The following TTN variants were observed in gnomAD, a reference collection of about 807,000 sequenced individuals.
TTN encodes titin, also known as connectin.
In TTN, 1,525 loss-of-function variants were observed where a neutral mutation model predicts 3,223.0. The observed-to-expected ratio is 0.47, with a 90% CI of 0.45 to 0.49. TTN has a LOEUF of 0.49. TTN is among the 20% of genes least tolerant of loss of function. The pLI is 0.00. For missense variants in TTN, 40,786 were observed against 43,424.0 expected, an observed-to-expected ratio of 0.94 and a Z score of 5.40; for synonymous variants, 14,094 against 15,161.0, an observed-to-expected ratio of 0.93 and a Z score of 5.17.
Position 178,611,469 on chromosome 2 carries a change from A to G in TTN, c.50760T>C (p.Pro16920=). The G allele has an allele frequency of 1.2e-6, 2 of 1,612,986 alleles. No homozygotes were observed. Among genetic ancestry groups the G allele is most frequent in the East Asian group, 2.2e-5 (1 of 44,678 alleles). ...LKFKVEEGVV[P]DKEYVLRVRA... Reference sequence around the variant, plus strand: ...TCACTCTCAGGACATATTCTTTGTCAGGAACAACACCTTCTTCAACCTTGA... The same window carrying G: ...TCACTCTCAGGACATATTCTTTGTCGGGAACAACACCTTCTTCAACCTTGA... Residue 16920 remains proline, a synonymous_variant, in exon 269 of 363, where the codon CCT becomes CCC. Coordinates refer to ENST00000589042, the MANE Select transcript of TTN (RefSeq NM_001267550.2).
Position 178,769,599 on chromosome 2 carries a change from A to G in TTN, c.8902+80T>C, listed in dbSNP as rs924629237. 9.5e-6 allele frequency: 12 copies of G among 1,269,216 alleles called. No individual in the cohort carries two copies. The African/African-American group carries it at 1.1e-4, about 11-fold the overall frequency. 78.6% of individuals were successfully genotyped at this position (1,269,216 alleles called of 1,614,324 possible). On this transcript the variant is annotated intron_variant, in intron 37 of 362. Coordinates refer to ENST00000589042, the MANE Select transcript of TTN (RefSeq NM_001267550.2). ...TTTTGAGTGGTCAGCAAAGTGTAGGATATAGAATATCAATGAATCTACTGA... is the reference window on the plus strand; with the variant it reads ...TTTTGAGTGGTCAGCAAAGTGTAGGGTATAGAATATCAATGAATCTACTGA...
At chr2:178,700,064 G>A (rs1271155981) in intron 111 of TTN, among the ~76,000 whole-genome samples, 1 of 152,092 alleles carries the variant, frequency 6.6e-6, no homozygotes, top group Admixed American at 6.5e-5. Flanking sequence ...TTCACAGTGA[G>A]TACCAAACTT....
In TTN at chr2:178,580,397, C is replaced by T; in HGVS notation, c.66982G>A (p.Asp22328Asn). The T allele has an allele frequency of 6.2e-7, 1 of 1,613,216 alleles. No individual in the cohort carries two copies. The highest frequency in any genetic ancestry group is 1.1e-5 in the South Asian group (1 of 91,060). ...FLRCENVNKYDAGKYILTLEN... is the reference protein window; with the variant it reads ...FLRCENVNKYNAGKYILTLEN... ...AGGGTTAAGATATATTTTCCTGCAT[C>T]ATATTTGTTCACATTTTCACAGCGC... Residue 22328 changes from aspartate (D) to asparagine (N), a missense_variant, in exon 317 of 363, where the codon GAT becomes AAT. Asp to Asn is a conservative substitution (Grantham distance 23). Coordinates refer to ENST00000589042, the MANE Select transcript of TTN (RefSeq NM_001267550.2).
At position 178,732,098 on chromosome 2, in the gene TTN, C is replaced by G; in HGVS notation, c.16871G>C (p.Ser5624Thr). 3.1e-6 allele frequency: 5 copies of G among 1,612,470 alleles called. No homozygotes were observed. Among genetic ancestry groups the G allele is most frequent in the Non-Finnish European group, 4.2e-6 (5 of 1,178,844 alleles). ...YMCEAQNEAG[S>T]DHCSSIVIVK... ...TATTACAATGCTACTGCAGTGGTCA[C>G]TGCCAGCCTCATTTTGGGCCTCACA... is the stretch of plus-strand genomic sequence containing the variant. The change falls in exon 57 of 363, where the codon AGT becomes ACT. Residue 5624 changes from serine (S) to threonine (T), a missense_variant. Coordinates refer to ENST00000589042, the MANE Select transcript of TTN (RefSeq NM_001267550.2).
intron 26 of TTN, 31 bp from the exon 27 acceptor site, chr2:178,777,348 G>A: frequency 6.2e-7 from 1 of 1,613,350 alleles, no homozygotes; most frequent in Non-Finnish European, 8.5e-7. Flanking sequence ...TTTAGAGGGA[G>A]TAAGGCTGAA....
At position 178,717,266 on chromosome 2, in the gene TTN, C is replaced by T. The variant is rs1411592951; in HGVS notation, c.25468G>A (p.Ala8490Thr). ...GGGCGAATCTCTCGGTTATCTTTGG[C>T]CCAAGTGATTTTGATTGGTGCAGTC... Reference protein sequence around the residue: ...TGTAPIKITWAKDNREIRPGG... With the variant: ...TGTAPIKITWTKDNREIRPGG... The change falls in exon 88 of 363, where the codon GCC becomes ACC. Residue 8490 changes from alanine to threonine, a missense_variant. Physicochemically the swap from Ala to Thr is moderately conservative, Grantham distance 58. Transcript: ENST00000589042. The T allele has an allele frequency of 1.2e-6, 2 of 1,613,662 alleles. No individual in the cohort carries two copies. Among genetic ancestry groups the T allele is most frequent in the Admixed American group, 1.7e-5 (1 of 59,996 alleles).
Position 178,576,071 on chromosome 2 carries a change from A to C in TTN, c.70061T>G (p.Leu23354Arg). ...FELDAELRRT[L>R]VVRAGLSIRI... ...AATACTGAGTCCTGCTCTAACAACA[A>C]GTGTTCTTCGAAGCTCGGCATCTAG... The change falls in exon 326 of 363, where the codon CTT becomes CGT. Residue 23354 changes from leucine to arginine, a missense_variant. Physicochemically the swap from Leu to Arg is moderately radical, Grantham distance 102. Transcript: ENST00000589042. The surrounding 1 kb of genome is among the most constrained non-coding windows in gnomAD (Gnocchi z 4.3). 1 of 1,613,516 alleles carries C rather than the reference A, an allele frequency of 6.2e-7. No homozygotes were observed. The highest frequency in any genetic ancestry group is 8.5e-7 in the Non-Finnish European group (1 of 1,179,596).
In TTN at chr2:178,582,296, C is replaced by A. The variant is rs1057523177; in HGVS notation, c.66160G>T (p.Asp22054Tyr). The A allele has an allele frequency of 6.3e-7, 1 of 1,584,680 alleles. No homozygotes were observed. The highest frequency in any genetic ancestry group is 8.6e-7 in the Non-Finnish European group (1 of 1,169,454). The part of the protein sequence containing the change: ...TEPAIAKNPY[D>Y]PPGRCDPPVI... ...AAAAACCACCGGGAAATGTTCCTAC[C>A]ATATGGGTTTTTGGCAATTGCTGGT... is the stretch of plus-strand genomic sequence containing the variant. Residue 22054 changes from aspartate to tyrosine, a missense_variant and splice_region_variant, in exon 314 of 363, where the codon GAC becomes TAC. Physicochemically the swap from Asp to Tyr is radical, Grantham distance 160 (BLOSUM62 -3). Transcript: ENST00000589042.
In TTN at chr2:178,749,824, C is replaced by G; in HGVS notation, c.11311+3300G>C. On this transcript the variant is annotated intron_variant, in intron 47 of 362. Coordinates refer to ENST00000589042, the MANE Select transcript of TTN (RefSeq NM_001267550.2). ...GCTTTAAAAGGACTCCATTTTGAAA[C>G]CATGTTACAACTGGCTGGGGCTCAC... 4 of 1,613,106 alleles carry G rather than the reference C, an allele frequency of 2.5e-6. 1 individual carries two copies. The highest frequency in any genetic ancestry group is 2.2e-5 in the South Asian group (2 of 91,062).
rs752797605 is a variant in TTN, at chr2:178,681,647, T to C, written c.33172+14A>G. The stretch of plus-strand genomic sequence containing the variant: ...AAAGATCTCTTACAGGTAATAATGT[T>C]TTTTTCACTCTACCTTTAGCCGGTG... On this transcript the variant is annotated intron_variant, in intron 136 of 362. Transcript: ENST00000589042. 57 of 1,601,234 alleles carry C rather than the reference T, an allele frequency of 3.6e-5. No homozygotes were observed. The highest frequency in any genetic ancestry group is 4.4e-5 in the Non-Finnish European group (52 of 1,176,254).
At position 178,733,908 on chromosome 2, in the gene TTN, G is replaced by C. The variant is rs2154311734; in HGVS notation, c.15497-16C>G. On this transcript the variant is annotated splice_polypyrimidine_tract_variant and intron_variant, in intron 52 of 362. Coordinates refer to ENST00000589042, the MANE Select transcript of TTN (RefSeq NM_001267550.2). ...GTTGGAGGTTCTAGTTAAGGAAAGAGAGCATATAAAACATATCAATTCCCA... is the reference window on the plus strand; with the variant it reads ...GTTGGAGGTTCTAGTTAAGGAAAGACAGCATATAAAACATATCAATTCCCA... The C allele has an allele frequency of 1.3e-6, 2 of 1,568,648 alleles. No individual in the cohort carries two copies. Among genetic ancestry groups the C allele is most frequent in the South Asian group, 2.4e-5 (2 of 83,614 alleles).
At position 178,677,615 on chromosome 2, in the gene TTN, C is replaced by T. The variant is rs779140476; in HGVS notation, c.34291+6G>A. ...GCCTTGATGATTCCAAGAAGAGCTG[C>T]TATACCTGGTGCAGGTACTGGCACC... On this transcript the variant is annotated splice_donor_region_variant and intron_variant, in intron 146 of 362. Transcript: ENST00000589042. The T allele has an allele frequency of 4.4e-6, 7 of 1,607,398 alleles. No individual in the cohort carries two copies. Among genetic ancestry groups the T allele is most frequent in the South Asian group, 3.3e-5 (3 of 90,014 alleles).
rs373959972 is a variant in TTN, at chr2:178,541,323, G to C, written c.97754C>G (p.Pro32585Arg). Reference protein sequence around the residue: ...TAINARGSGKPSRPSKPIVAM... With the variant: ...TAINARGSGKRSRPSKPIVAM... The stretch of plus-strand genomic sequence containing the variant: ...AACGATGGGTTTGGAAGGACGACTT[G>C]GTTTCCCAGACCCTCTTGCATTAAT... Residue 32585 changes from proline (P) to arginine (R), a missense_variant, in exon 350 of 363, where the codon CCA (proline) becomes CGA (arginine). Coordinates refer to ENST00000589042, the MANE Select transcript of TTN (RefSeq NM_001267550.2). 10 of 1,553,772 alleles carry C rather than the reference G, an allele frequency of 6.4e-6. No homozygotes were observed. Among genetic ancestry groups the C allele is most frequent in the Non-Finnish European group, 8.7e-6 (10 of 1,144,564 alleles).
At chr2:178,638,530 C>T (rs2060801254) in intron 223 of TTN, among the ~76,000 whole-genome samples, 1 of 150,800 alleles carries the variant, frequency 6.6e-6, no homozygotes, top group South Asian at 2.1e-4. Flanking sequence ...ATGCACATCT[C>T]ACTGTGGAAT....
rs750011261 is a variant in TTN, at chr2:178,574,612, C to T, written c.71520G>A (p.Lys23840=). The T allele has an allele frequency of 5.6e-6, 9 of 1,613,096 alleles. No homozygotes were observed. In the East Asian group the frequency reaches 1.8e-4, roughly 32 times the overall value. The part of the protein sequence containing the change: ...PGTPQVTAVT[K]DSMTISWHEP... Reference sequence around the variant, plus strand: ...CATGCCAGCTAATTGTCATTGAATCCTTGGTAACTGCAGTTACCTGAGGGG... The same window carrying T: ...CATGCCAGCTAATTGTCATTGAATCTTTGGTAACTGCAGTTACCTGAGGGG... The change falls in exon 326 of 363, where the codon AAG becomes AAA. Residue 23840 remains lysine (K), a synonymous_variant. Coordinates refer to ENST00000589042, the MANE Select transcript of TTN (RefSeq NM_001267550.2).
In TTN at chr2:178,533,396, G is replaced by A. The variant is rs1438404457; in HGVS notation, c.103219C>T (p.Pro34407Ser). 3 of 1,613,524 alleles carry A rather than the reference G, an allele frequency of 1.9e-6. No individual in the cohort carries two copies. Among genetic ancestry groups the A allele is most frequent in the African/African-American group, 2.7e-5 (2 of 74,910 alleles). Reference sequence around the variant, plus strand: ...CCTTCATGGATAATTTCAATGTTAGGCCCGAGGGACAGTGGCTGACCATCT... The same window carrying A: ...CCTTCATGGATAATTTCAATGTTAGACCCGAGGGACAGTGGCTGACCATCT... The part of the protein sequence containing the change: ...EKDGQPLSLG[P>S]NIEIIHEGLD... Residue 34407 changes from proline to serine, a missense_variant, in exon 358 of 363, where the codon CCT becomes TCT. Pro to Ser is a moderately conservative substitution (Grantham distance 74). Coordinates refer to ENST00000589042, the MANE Select transcript of TTN (RefSeq NM_001267550.2).
Position 178,756,573 on chromosome 2 carries a change from T to G in TTN, c.10903A>C (p.Thr3635Pro). ...TCTGCAATTTGTGAAAGGGATGCAG[T>G]ATGGCACAACTGTGTATCTTGAACA... ...ASVQDTQLCHTASLSQIAEST... is the reference protein window; with the variant it reads ...ASVQDTQLCHPASLSQIAEST... Residue 3635 changes from threonine to proline, a missense_variant, in exon 46 of 363, where the codon ACT becomes CCT. Transcript: ENST00000589042. 1.9e-6 allele frequency: 3 copies of G among 1,612,030 alleles called. No homozygotes were observed. Among genetic ancestry groups the G allele is most frequent in the South Asian group, 1.1e-5 (1 of 90,906 alleles).
At position 178,707,577 on chromosome 2, in the gene TTN, C is replaced by G. The variant is rs1484358096; in HGVS notation, c.28990G>C (p.Ala9664Pro). The change falls in exon 100 of 363, where the codon GCT (alanine) becomes CCT (proline). Residue 9664 changes from alanine (A) to proline (P), a missense_variant. Transcript: ENST00000589042. ...GTGTCACTTCCAGCCACATTTGAAG[C>G]TTTACACACATAATCTCCCGAATCT... ...KADSGDYVCK[A>P]SNVAGSDTTK... The G allele has an allele frequency of 6.2e-7, 1 of 1,613,834 alleles. No individual in the cohort carries two copies. The highest frequency in any genetic ancestry group is 8.5e-7 in the Non-Finnish European group (1 of 1,179,814).
Position 178,565,107 on chromosome 2 carries a change from T to A in TTN, c.81025A>T (p.Ile27009Phe). Residue 27009 changes from isoleucine (I) to phenylalanine (F), a missense_variant, in exon 326 of 363, where the codon ATT (isoleucine) becomes TTT (phenylalanine). Ile to Phe is a conservative substitution (Grantham distance 21). Transcript: ENST00000589042. Reference protein sequence around the residue: ...YTGGCQISNYIVEKRDTTTTT... With the variant: ...YTGGCQISNYFVEKRDTTTTT... ...GTGGTTGTATCTCGCTTCTCTACAA[T>A]GTAGTTGCTTATTTGGCAGCCACCA... The A allele has an allele frequency of 6.2e-7, 1 of 1,613,574 alleles. No individual in the cohort carries two copies. The highest frequency in any genetic ancestry group is 8.5e-7 in the Non-Finnish European group (1 of 1,179,642).
Sources: allele counts gnomAD v4.1 joint callset (sites outside exome capture counted in the v4.1 genomes callset), GRCh38; gene constraint gnomAD v4.1.1; non-coding constraint Gnocchi (gnomAD v3.1); transcripts MANE v1.5; gene names NCBI Gene and HGNC (gene_info 2026-07-23, HGNC 2026-07-21).